The following GADL1 variants were observed in gnomAD, a reference collection of about 807,000 sequenced individuals.
GADL1 encodes the protein GAD like acidic amino acid decarboxylase 1.
In GADL1, 71 loss-of-function variants were observed where a neutral mutation model predicts 69.5. The observed-to-expected ratio is 1.02, with a 90% CI of 0.84 to 1.25. The LOEUF is 1.25. Ranked by LOEUF, GADL1 falls within the 50% of genes most tolerant of loss-of-function variation. The probability of loss-of-function intolerance (pLI) is 0.00; values close to 1 mark genes in which losing one functional copy is unlikely to be tolerated. For missense variants in GADL1, 737 were observed against 631.8 expected (o/e 1.17, Z -1.79); for synonymous variants, 254 against 214.4 (o/e 1.18, Z -1.62).
At chr3:30,786,827 G>A (rs1035466693) in intron 12 of GADL1, among the ~76,000 whole-genome samples, 40 of 152,230 alleles carry the variant, frequency 2.6e-4, no homozygotes, top group African/African-American at 8.9e-4. Flanking sequence ...CTGCTTGTAA[G>A]TTCACTTAAA....
intron 1 of GADL1, among the ~76,000 whole-genome samples, chr3:30,883,415 C>T (rs1264878934): frequency 6.6e-6 from 1 of 151,938 alleles, no homozygotes; most frequent in Non-Finnish European, 1.5e-5. Flanking sequence ...GTTCTTTCTC[C>T]ATAGAGTGGT....
chr3:30,807,326 C>A (rs1193578903), intron 11 of GADL1, among the ~76,000 whole-genome samples: 11 of 152,178 alleles, frequency 7.2e-5, no homozygotes, highest in African/African-American at 2.7e-4. Context: ...TATTACAACC[C>A]TCACCCACCT....
chr3:30,840,663 G>A (rs945454029), intron 8 of GADL1, among the ~76,000 whole-genome samples: 14 of 152,156 alleles, frequency 9.2e-5, no homozygotes, highest in Non-Finnish European at 1.9e-4. Flanking sequence ...CATCCTGACA[G>A]TCATGAGAAA....
At chr3:30,839,973 G>T (rs979133001) in intron 8 of GADL1, among the ~76,000 whole-genome samples, 1 of 151,910 alleles carries the variant, frequency 6.6e-6, no homozygotes, top group Non-Finnish European at 1.5e-5. Context: ...CAGGATGGTG[G>T]TAGAGATGTG....
intron 12 of GADL1, among the ~76,000 whole-genome samples, chr3:30,795,870 TTA>T (rs1442441362): frequency 3.3e-5 from 5 of 152,116 alleles, no homozygotes; most frequent in Admixed American, 6.6e-5. Context: ...AAAAAAACTA[TTA>T]TGAGTAACAG....
intron 12 of GADL1, among the ~76,000 whole-genome samples, chr3:30,788,583 C>G (rs1011289692): frequency 1.3e-5 from 2 of 152,162 alleles, no homozygotes; most frequent in African/African-American, 4.8e-5. Flanking sequence ...GCCACATTGC[C>G]TGACTCTGCT....
In GADL1 at chr3:30,778,277, T is replaced by A; in HGVS notation, c.1303-9A>T. ...ATATTGGCATATTCAGGCTGAGAATTAGAAAAAATATAAAGTTGTTATCTT... is the reference window on the plus strand; with the variant it reads ...ATATTGGCATATTCAGGCTGAGAATAAGAAAAAATATAAAGTTGTTATCTT... On this transcript the variant is annotated splice_polypyrimidine_tract_variant and intron_variant, in intron 13 of 14. Transcript: ENST00000282538. 1 of 1,537,040 alleles carries A rather than the reference T, an allele frequency of 6.5e-7. No homozygotes were observed.
chr3:30,835,327 A>G (rs1381151959), intron 9 of GADL1, among the ~76,000 whole-genome samples: 2 of 152,110 alleles, frequency 1.3e-5, no homozygotes, highest in Admixed American at 6.6e-5. Context: ...CTTAGGATGT[A>G]GCAACTTCTA....
At chr3:30,844,491 A>AG (rs755587415) in intron 6 of GADL1, 25 bp from the exon 7 acceptor site, 9 of 1,443,330 alleles carry the variant, frequency 6.2e-6, no homozygotes, top group Non-Finnish European at 7.8e-6. Context: ...ACAGTGGGGA[A>AG]GGGGGAGACA....
intron 11 of GADL1, among the ~76,000 whole-genome samples, chr3:30,816,763 C>CT (rs566013271): frequency 6.5e-4 from 99 of 151,866 alleles, no homozygotes; most frequent in Non-Finnish European, 9.9e-4. Context: ...CCAGACTGGT[C>CT]TTGAACTCCT....
At chr3:30,858,621 CAGG>C (rs1316822396) in intron 2 of GADL1, among the ~76,000 whole-genome samples, 1 of 151,842 alleles carries the variant, frequency 6.6e-6, no homozygotes, top group East Asian at 1.9e-4. Context: ...ATGGGGATAG[CAGG>C]AGAAGGATCT....
intron 14 of GADL1, among the ~76,000 whole-genome samples, chr3:30,729,120 C>A (rs1695415049): frequency 6.6e-6 from 1 of 152,108 alleles, no homozygotes; most frequent in African/African-American, 2.4e-5. Context: ...CTATAGCTGA[C>A]ATGAGAAGTA....
chr3:30,831,238 A>G lies in GADL1; in HGVS notation c.1050+2615T>C, dbSNP rs138800285. 1.9e-3 allele frequency among the ~76,000 whole-genome samples: 294 copies of G among 152,126 alleles called. 1 individual carries two copies. Among genetic ancestry groups the G allele is most frequent in the African/African-American group, 7.0e-3 (291 of 41,544 alleles). ...TGATCTACCCACTGCTTAATCCTTTAGTCTCATATTATGTCAATCTTCACA... is the reference window on the plus strand; with the variant it reads ...TGATCTACCCACTGCTTAATCCTTTGGTCTCATATTATGTCAATCTTCACA... On this transcript the variant is annotated intron_variant, in intron 11 of 14. Coordinates refer to ENST00000282538, the MANE Select transcript of GADL1 (RefSeq NM_207359.3).
chr3:30,752,375 G>T (rs937515791), intron 14 of GADL1, among the ~76,000 whole-genome samples: 1 of 151,914 alleles, frequency 6.6e-6, no homozygotes, highest in Non-Finnish European at 1.5e-5. Flanking sequence ...TTTAAGTGGT[G>T]CACCTTGCAT....
At chr3:30,749,989 CA>C (rs754986450) in intron 14 of GADL1, among the ~76,000 whole-genome samples, 21 of 152,108 alleles carry the variant, frequency 1.4e-4, no homozygotes, top group Non-Finnish European at 2.6e-4. Context: ...GTACTTTAGA[CA>C]AAGGTCAGAT....
At chr3:30,754,574 T>A (rs1695918209) in intron 14 of GADL1, among the ~76,000 whole-genome samples, 1 of 151,992 alleles carries the variant, frequency 6.6e-6, no homozygotes, top group African/African-American at 2.4e-5. Context: ...CCTCAATGGC[T>A]AAATATTTAA....
At chr3:30,795,870 T>C (rs1697022901) in intron 12 of GADL1, among the ~76,000 whole-genome samples, 1 of 152,116 alleles carries the variant, frequency 6.6e-6, no homozygotes, top group Non-Finnish European at 1.5e-5. Flanking sequence ...AAAAAAACTA[T>C]TATGAGTAAC....
chr3:30,769,922 G>C (rs1193128394), intron 14 of GADL1, among the ~76,000 whole-genome samples: 1 of 45,272 alleles, frequency 2.2e-5, no homozygotes, highest in East Asian at 7.2e-4. Flanking sequence ...GGTAATCAAG[G>C]ACTGACGAAT....
At chr3:30,868,363 T>C (rs1698433645) in intron 1 of GADL1, among the ~76,000 whole-genome samples, 1 of 152,054 alleles carries the variant, frequency 6.6e-6, no homozygotes. Flanking sequence ...ACTCTCAACA[T>C]GGTGAACTCA....
Sources: gnomAD v4.1 joint callset for allele counts (sites outside exome capture counted in the v4.1 genomes callset) on GRCh38, gnomAD v4.1.1 for gene constraint, MANE v1.5 for transcripts, NCBI Gene and HGNC (gene_info 2026-07-23, HGNC 2026-07-21) for gene names.